The following NPSR1 variants were observed in gnomAD, a reference collection of about 807,000 sequenced individuals.
NPSR1 encodes neuropeptide S receptor.
In NPSR1, 48 loss-of-function variants were observed where a neutral mutation model predicts 46.9. That is an observed-to-expected ratio of 1.02 (90% CI 0.81 to 1.30). The LOEUF (loss-of-function observed/expected upper bound fraction) is 1.30, where lower values mean the gene tolerates loss of function less well. Among genes scored for constraint, NPSR1 ranks in the 50% most tolerant of loss-of-function variants. The probability of loss-of-function intolerance (pLI) is 0.00; values close to 1 mark genes in which losing one functional copy is unlikely to be tolerated. For missense variants in NPSR1, 450 were observed against 449.5 expected (o/e 1.00, Z -0.01); for synonymous variants, 176 against 168.1 (o/e 1.05, Z -0.36).
chr7:34,688,350 G>A (rs532253351), intron 2 of NPSR1, among the ~76,000 whole-genome samples: 8 of 152,258 alleles, frequency 5.3e-5, no homozygotes, highest in Admixed American at 6.5e-5. Context: ...AATAGATAAC[G>A]AAGAGTTGCA....
intron 5 of NPSR1, among the ~76,000 whole-genome samples, chr7:34,830,970 T>A (rs1280779802): frequency 2.0e-5 from 3 of 152,184 alleles, no homozygotes; most frequent in Non-Finnish European, 2.9e-5. Context: ...TTCACCCAAC[T>A]AGTTCACATC....
intron 3 of NPSR1, among the ~76,000 whole-genome samples, chr7:34,809,322 T>G (rs1788867191): frequency 6.6e-6 from 1 of 152,094 alleles, no homozygotes; most frequent in Non-Finnish European, 1.5e-5. Flanking sequence ...CTTTTAGTTT[T>G]CAGAGGAGCC....
chr7:34,708,571 C>T (rs2128700707), intron 2 of NPSR1, among the ~76,000 whole-genome samples: 1 of 152,300 alleles, frequency 6.6e-6, no homozygotes, highest in African/African-American at 2.4e-5. Flanking sequence ...GAGTCCCAAA[C>T]ATGCTGGAGC....
intron 3 of NPSR1, among the ~76,000 whole-genome samples, chr7:34,805,740 T>A (rs895664256): frequency 6.6e-6 from 1 of 152,008 alleles, no homozygotes; most frequent in African/African-American, 2.4e-5. Context: ...TTTAAGAGAA[T>A]GAAAAGACAG....
intron 1 of NPSR1, among the ~76,000 whole-genome samples, chr7:34,682,365 AC>A (rs1267004730): frequency 6.6e-6 from 1 of 152,002 alleles, no homozygotes; most frequent in Non-Finnish European, 1.5e-5. Flanking sequence ...GAACCTAGAC[AC>A]CCCCAGGGCA....
chr7:34,734,272 C>T (rs1279413883), intron 2 of NPSR1, among the ~76,000 whole-genome samples: 1 of 152,100 alleles, frequency 6.6e-6, no homozygotes, highest in Admixed American at 6.5e-5. Context: ...ATCTGGGTAT[C>T]AATTTTTTAA....
At position 34,849,566 on chromosome 7, in the gene NPSR1, G is replaced by T; in HGVS notation, c.1027G>T (p.Glu343Ter). The change falls in exon 9 of 9, where the codon GAG (glutamate) becomes TAG (stop). Residue 343 changes from glutamate (E) to a stop codon, truncating the protein, a stop_gained and splice_region_variant. Coordinates refer to ENST00000360581, the MANE Select transcript of NPSR1 (RefSeq NM_207172.2). LOFTEE classifies it high-confidence loss of function. ...FSSSISFPCR[E>*]QRSQDSRMTF... ...CTGCTTTATTTTGACTTTCTCCAGG[G>T]AGCAAAGATCACAGGATTCCAGAAT... The T allele has an allele frequency of 6.2e-7, 1 of 1,614,052 alleles. No individual in the cohort carries two copies. The highest frequency in any genetic ancestry group is 1.1e-5 in the South Asian group (1 of 91,060).
rs184711949 is a variant in NPSR1 at position 34,798,773 on chromosome 7, T to C, written c.385-12997T>C. Among the ~76,000 whole-genome samples the C allele has an allele frequency of 1.2e-3, 189 of 152,292 alleles. 4 individuals carry two copies. Among genetic ancestry groups the C allele is most frequent in the African/African-American group, 4.3e-3 (180 of 41,570 alleles). ...AAAAAAATAGAAATTACACAAAGTA[T>C]ACTCTCAGAACACACAGAATAGAAC... On this transcript the variant is annotated intron_variant, in intron 3 of 8. Coordinates refer to ENST00000360581, the MANE Select transcript of NPSR1 (RefSeq NM_207172.2).
intron 2 of NPSR1, among the ~76,000 whole-genome samples, chr7:34,695,088 A>C (rs1379047389): frequency 1.3e-5 from 2 of 152,236 alleles, no homozygotes; most frequent in Non-Finnish European, 2.9e-5. Context: ...TGTAGTAACT[A>C]AAACAGCATG....
In NPSR1 at chr7:34,848,506, T is replaced by C; in HGVS notation, c.868T>C (p.Tyr290His). The change falls in exon 8 of 9, where the codon TAC (tyrosine) becomes CAC (histidine). Residue 290 changes from tyrosine (Y) to histidine (H), a missense_variant. Coordinates refer to ENST00000360581, the MANE Select transcript of NPSR1 (RefSeq NM_207172.2). ...ILAFICCWSPYFLFDILDNFN... is the reference protein window; with the variant it reads ...ILAFICCWSPHFLFDILDNFN... ...AGCCTTCATCTGCTGTTGGAGTCCA[T>C]ACTTCCTGTTTGACATTTTGGACAA... 1.2e-5 allele frequency: 20 copies of C among 1,614,200 alleles called. No homozygotes were observed. The highest frequency in any genetic ancestry group is 1.7e-5 in the Non-Finnish European group (20 of 1,180,018).
At chr7:34,675,447 AC>A (rs1792267798) in intron 1 of NPSR1, among the ~76,000 whole-genome samples, 1 of 152,236 alleles carries the variant, frequency 6.6e-6, no homozygotes, top group Non-Finnish European at 1.5e-5. Context: ...AACTAGAGTA[AC>A]TAATGTCTTG....
At chr7:34,661,690 C>T (rs954721744) in intron 1 of NPSR1, among the ~76,000 whole-genome samples, 38 of 152,298 alleles carry the variant, frequency 2.5e-4, no homozygotes, top group African/African-American at 8.7e-4. Flanking sequence ...GTGGGTTCAC[C>T]CATCCCATCT....
intron 1 of NPSR1, among the ~76,000 whole-genome samples, chr7:34,672,242 A>G (rs1309972210): frequency 6.6e-6 from 1 of 152,198 alleles, no homozygotes; most frequent in African/African-American, 2.4e-5. Flanking sequence ...GATTTCTAAC[A>G]TCTGTGGTTT....
At chr7:34,794,744 A>T (rs1788096377) in intron 3 of NPSR1, among the ~76,000 whole-genome samples, 1 of 152,224 alleles carries the variant, frequency 6.6e-6, no homozygotes, top group African/African-American at 2.4e-5. Flanking sequence ...AAGGAAAAAA[A>T]CACATCAATA....
chr7:34,796,489 T>C (rs929307207), intron 3 of NPSR1, among the ~76,000 whole-genome samples: 2 of 151,980 alleles, frequency 1.3e-5, no homozygotes, highest in Non-Finnish European at 1.5e-5. Flanking sequence ...AATAGGTAAA[T>C]GAACAATCTG....
At chr7:34,699,213 C>T (rs192478586) in intron 2 of NPSR1, among the ~76,000 whole-genome samples, 242 of 152,256 alleles carry the variant, frequency 1.6e-3, no homozygotes, top group Non-Finnish European at 2.7e-3. Flanking sequence ...GGTGTGGTGG[C>T]TCACGCCTAT....
At chr7:34,662,904 T>G (rs1791527085) in intron 1 of NPSR1, among the ~76,000 whole-genome samples, 1 of 152,112 alleles carries the variant, frequency 6.6e-6, no homozygotes, top group Non-Finnish European at 1.5e-5. Flanking sequence ...ACTAATACAT[T>G]TGATGGCAGG....
intron 4 of NPSR1, among the ~76,000 whole-genome samples, chr7:34,814,139 G>A (rs1002249542): frequency 6.6e-6 from 1 of 152,218 alleles, no homozygotes; most frequent in African/African-American, 2.4e-5. Flanking sequence ...AGGGTTGGGG[G>A]ATGTCCCTTT....
chr7:34,749,094 A>G (rs1213604721), intron 2 of NPSR1, among the ~76,000 whole-genome samples: 3 of 151,846 alleles, frequency 2.0e-5, no homozygotes, highest in Non-Finnish European at 2.9e-5. Flanking sequence ...TGCCCCCTGA[A>G]TGGTCTCTTC....
Sources: allele counts gnomAD v4.1 joint callset (sites outside exome capture counted in the v4.1 genomes callset), GRCh38; gene constraint gnomAD v4.1.1; transcripts MANE v1.5; gene names NCBI Gene and HGNC (gene_info 2026-07-23, HGNC 2026-07-21).